OSMR: variants seen among roughly 807,000 people sequenced by gnomAD.
The protein encoded by OSMR is oncostatin M receptor.
OSMR carries 81 observed loss-of-function variants against 99.9 expected under a neutral mutation model. The observed-to-expected ratio is 0.81, with a 90% CI of 0.68 to 0.97. The LOEUF is 0.97. Among genes scored for constraint, OSMR ranks in the 50% least tolerant of loss-of-function variants. OSMR has a pLI of 0.00. For synonymous variants in OSMR, 406 were observed against 410.4 expected (o/e 0.99, Z 0.13); for missense variants, 1,099 against 1,153.4 (o/e 0.95, Z 0.68).
chr5:38,932,033 A>G lies in OSMR; in HGVS notation c.2294+69A>G, dbSNP rs1746776503. On this transcript the variant is annotated intron_variant, in intron 16 of 17. Transcript: ENST00000274276. ...AAAGTCTGGAAAGAGATTTAGTAAG[A>G]TAGAAATGACATTGAATAATATGAA... 4.3e-6 allele frequency: 5 copies of G among 1,164,024 alleles called. No homozygotes were observed. The East Asian group carries it at 1.2e-4, about 27-fold the overall frequency. 72.1% of individuals were successfully genotyped at this position (1,164,024 alleles called of 1,614,324 possible).
At chr5:38,923,102 AG>A (rs769163755) in intron 12 of OSMR, 47 bp from the exon 13 acceptor site, 1 of 1,610,716 alleles carries the variant, frequency 6.2e-7, no homozygotes, top group East Asian at 2.2e-5. Flanking sequence ...TTTCAGAATT[AG>A]GAAACATCAT....
chr5:38,868,875 T>C (rs1430952200), intron 1 of OSMR, 157 bp from the exon 2 acceptor site: 1 of 355,814 alleles, frequency 2.8e-6, no homozygotes, highest in Non-Finnish European at 3.9e-6. Context: ...TCTTCCTATT[T>C]TGGGGGGACT....
At chr5:38,901,774 C>T (rs1744907125) in intron 7 of OSMR, among the ~76,000 whole-genome samples, 1 of 152,156 alleles carries the variant, frequency 6.6e-6, no homozygotes. Context: ...TGGACCACAA[C>T]TTGTTGAATG....
chr5:38,852,630 G>C (rs1740477401), intron 1 of OSMR, among the ~76,000 whole-genome samples: 1 of 150,126 alleles, frequency 6.7e-6, no homozygotes, highest in East Asian at 2.0e-4. Flanking sequence ...TTTTTCTACA[G>C]AGTTGTATGC....
At chr5:38,917,671 T>C (rs1187782261) in intron 10 of OSMR, 49 bp downstream of exon 10, 2 of 1,479,134 alleles carry the variant, frequency 1.4e-6, no homozygotes, top group Admixed American at 1.7e-5. Flanking sequence ...AAGTCACATT[T>C]GTGGAAACAA....
intron 3 of OSMR, among the ~76,000 whole-genome samples, chr5:38,877,224 C>G (rs1233346382): frequency 6.6e-6 from 1 of 152,184 alleles, no homozygotes; most frequent in Non-Finnish European, 1.5e-5. Flanking sequence ...GGCCCTCTGT[C>G]AGCTCAACCA....
chr5:38,905,067 CCCAAT>C (rs1272723027), intron 9 of OSMR, among the ~76,000 whole-genome samples: 1 of 152,148 alleles, frequency 6.6e-6, no homozygotes, highest in Non-Finnish European at 1.5e-5. Context: ...GATTTGATGG[CCCAAT>C]CCTGCTTCCA....
intron 7 of OSMR, among the ~76,000 whole-genome samples, chr5:38,890,081 TG>T (rs1355708484): frequency 6.6e-6 from 1 of 152,266 alleles, no homozygotes; most frequent in African/African-American, 2.4e-5. Context: ...TTTATTTTTT[TG>T]TTATTAATTT....
Position 38,943,588 on chromosome 5 carries a change from A to T in OSMR, c.75-613A>T, listed in dbSNP as rs181262904. Among the ~76,000 whole-genome samples, 853 of 152,198 alleles carry T rather than the reference A, an allele frequency of 5.6e-3. 9 individuals carry two copies. The highest frequency in any genetic ancestry group is 0.02 in the African/African-American group (812 of 41,534). ...CAGCACTTTGGGAGGCTGAGACAGGAGATCACCTGAGGTCAGGAGTTTGAG... is the reference window on the plus strand; with the variant it reads ...CAGCACTTTGGGAGGCTGAGACAGGTGATCACCTGAGGTCAGGAGTTTGAG... On this transcript the variant is annotated intron_variant and NMD_transcript_variant, in intron 1 of 2. Coordinates refer to the OSMR transcript ENST00000508882.
In OSMR at chr5:38,893,774, C is replaced by T. The variant is rs1455135329; in HGVS notation, c.991+7584C>T. Among the ~76,000 whole-genome samples, 3 of 152,260 alleles carry T rather than the reference C, an allele frequency of 2.0e-5. No homozygotes were observed. In the East Asian group the frequency reaches 5.8e-4, roughly 29 times the overall value. On this transcript the variant is annotated intron_variant, in intron 7 of 17. Coordinates refer to ENST00000274276, the MANE Select transcript of OSMR (RefSeq NM_003999.3). ...AATTTGAGGGAATAATAGAATAAAA[C>T]CTCTGTAATCTTGCTAGAGAGGTAG... is the stretch of plus-strand genomic sequence containing the variant.
At position 38,885,407 on chromosome 5, in the gene OSMR, C is replaced by G; in HGVS notation, c.762C>G (p.His254Gln). 6.2e-7 allele frequency: 1 copy of G among 1,613,892 alleles called. No homozygotes were observed. Among genetic ancestry groups the G allele is most frequent in the Non-Finnish European group, 8.5e-7 (1 of 1,179,828 alleles). Reference protein sequence around the residue: ...SCETEDFKTLHCTWDPGTDTA... With the variant: ...SCETEDFKTLQCTWDPGTDTA... ...AAACCGAGGACTTCAAGACTTTGCA[C>G]TGTACTTGGGATCCTGGGACGGACA... Residue 254 changes from histidine (H) to glutamine (Q), a missense_variant, in exon 6 of 18, where the codon CAC becomes CAG. Transcript: ENST00000274276.
At chr5:38,878,066 G>A (rs1026539860) in intron 3 of OSMR, among the ~76,000 whole-genome samples, 11 of 152,122 alleles carry the variant, frequency 7.2e-5, no homozygotes, top group Non-Finnish European at 1.5e-4. Flanking sequence ...GAGGTTTGTT[G>A]TGTTGCTCCA....
intron 1 of OSMR, among the ~76,000 whole-genome samples, chr5:38,943,480 C>T (rs1009780373): frequency 6.6e-6 from 1 of 151,986 alleles, no homozygotes; most frequent in Non-Finnish European, 1.5e-5. Flanking sequence ...GACCCTGATA[C>T]CTATGTGGGA....
chr5:38,923,397 T>A, intron 13 of OSMR, 143 bp downstream of exon 13: 2 of 651,902 alleles, frequency 3.1e-6, no homozygotes, highest in South Asian at 3.4e-5. Flanking sequence ...TTTTTAAAAT[T>A]ATTTTTTAAT....
intron 1 of OSMR, among the ~76,000 whole-genome samples, chr5:38,850,636 T>A (rs895143123): frequency 6.6e-6 from 1 of 152,214 alleles, no homozygotes; most frequent in East Asian, 1.9e-4. Flanking sequence ...TAGAAAAATG[T>A]AAGACATAAA....
chr5:38,937,324 C>T (rs1441486422), downstream of OSMR, among the ~76,000 whole-genome samples: 1 of 152,238 alleles, frequency 6.6e-6, no homozygotes, highest in Non-Finnish European at 1.5e-5. The surrounding 1 kb of genome is among the most constrained non-coding windows in gnomAD (Gnocchi z 4.0). Flanking sequence ...TGAGCCACCG[C>T]GCCCGGCCAA....
At chr5:38,928,876 G>T (rs1406304998) in intron 15 of OSMR, among the ~76,000 whole-genome samples, 1 of 151,764 alleles carries the variant, frequency 6.6e-6, no homozygotes, top group African/African-American at 2.4e-5. Flanking sequence ...AGTTTTATTC[G>T]ACCTTTGGAA....
At chr5:38,939,243 T>C (rs1445537478), downstream of OSMR, 2 of 232,740 alleles carry the variant, frequency 8.6e-6, no homozygotes, top group Non-Finnish European at 1.7e-5. Flanking sequence ...ACTTGGCCGT[T>C]GTGATATGCC....
At chr5:38,883,452 T>G (rs950417371) in intron 4 of OSMR, among the ~76,000 whole-genome samples, 2 of 152,224 alleles carry the variant, frequency 1.3e-5, no homozygotes, top group Non-Finnish European at 2.9e-5. Context: ...GACCTGTTGT[T>G]GTAAGGTACT....
Sources: allele counts gnomAD v4.1 joint callset (sites outside exome capture counted in the v4.1 genomes callset), GRCh38; gene constraint gnomAD v4.1.1; non-coding constraint Gnocchi (gnomAD v3.1); transcripts MANE v1.5; gene names NCBI Gene and HGNC (gene_info 2026-07-23, HGNC 2026-07-21).